Variants in SPATA16 observed in about 807,000 individuals in gnomAD.
SPATA16 encodes the protein spermatogenesis associated 16.
A neutral mutation model predicts 63.3 loss-of-function variants in SPATA16; 36 were observed. That is an observed-to-expected ratio of 0.57 (90% CI 0.44 to 0.75). The LOEUF (loss-of-function observed/expected upper bound fraction) is 0.75. SPATA16 is among the 30% of genes least tolerant of loss of function. The pLI, the probability that SPATA16 is intolerant of heterozygous loss-of-function variation, is 0.00. For missense variants in SPATA16, 646 were observed against 679.3 expected (o/e 0.95, Z 0.54); for synonymous variants, 203 against 216.7 (o/e 0.94, Z 0.56).
chr3:172,987,903 T>C (rs917936641), intron 4 of SPATA16, among the ~76,000 whole-genome samples: 2 of 152,134 alleles, frequency 1.3e-5, no homozygotes, highest in African/African-American at 2.4e-5. Context: ...AGGGGTGTGC[T>C]TCGCATTCCA....
chr3:172,913,714 T>G lies in SPATA16; in HGVS notation c.1534A>C (p.Thr512Pro). The G allele has an allele frequency of 6.2e-7, 1 of 1,613,852 alleles. No homozygotes were observed. The highest frequency in any genetic ancestry group is 8.5e-7 in the Non-Finnish European group (1 of 1,179,836). ...TTATTGTTTCTTCTTCCTTCAAGGG[T>G]GTCCATAGCATCTGCCATTAGTGAC... is the stretch of plus-strand genomic sequence containing the variant. ...LQSLMADAMD[T>P]LEGRRNNNER... Residue 512 changes from threonine (T) to proline (P), a missense_variant, in exon 10 of 11, where the codon ACC (threonine) becomes CCC (proline). Coordinates refer to ENST00000351008, the MANE Select transcript of SPATA16 (RefSeq NM_031955.6).
intron 2 of SPATA16, among the ~76,000 whole-genome samples, chr3:173,100,795 T>C (rs1441811145): frequency 2.6e-5 from 4 of 152,198 alleles, no homozygotes; most frequent in African/African-American, 7.2e-5. Flanking sequence ...AAGATGTGCT[T>C]ACCATTATAT....
intron 10 of SPATA16, among the ~76,000 whole-genome samples, chr3:172,890,426 CG>C (rs1290521815): frequency 1.3e-5 from 2 of 152,106 alleles, no homozygotes; most frequent in African/African-American, 2.4e-5. Context: ...AGTAGATATA[CG>C]ATTCATACTT....
At chr3:173,023,244 A>G (rs1209578123) in intron 3 of SPATA16, among the ~76,000 whole-genome samples, 1 of 150,878 alleles carries the variant, frequency 6.6e-6, no homozygotes, top group Non-Finnish European at 1.5e-5. Context: ...TAATTATCTC[A>G]GGTTTCCCAA....
intron 1 of SPATA16, among the ~76,000 whole-genome samples, chr3:173,121,504 A>AT (rs1430162379): frequency 6.6e-6 from 1 of 152,112 alleles, no homozygotes. Flanking sequence ...GGAGTTATCC[A>AT]TTTTTACCTC....
At chr3:172,958,568 A>G (rs987287714) in intron 5 of SPATA16, among the ~76,000 whole-genome samples, 4 of 152,152 alleles carry the variant, frequency 2.6e-5, no homozygotes, top group Non-Finnish European at 5.9e-5. Context: ...TTTGTAAGCT[A>G]TTGGTGCCTG....
intron 5 of SPATA16, among the ~76,000 whole-genome samples, chr3:172,965,642 T>TA (rs1277391463): frequency 2.0e-5 from 3 of 151,342 alleles, no homozygotes; most frequent in Non-Finnish European, 4.4e-5. Flanking sequence ...TATTTATTAT[T>TA]TTTTTTTTGA....
chr3:172,973,288 TTGTTC>T (rs1314610283), intron 5 of SPATA16, among the ~76,000 whole-genome samples: 3 of 152,168 alleles, frequency 2.0e-5, no homozygotes, highest in Non-Finnish European at 2.9e-5. Context: ...TTTATGACTA[TTGTTC>T]TAGGTGGATG....
chr3:172,939,735 T>C lies in SPATA16; in HGVS notation c.1082-14243A>G, dbSNP rs546288791. Among the ~76,000 whole-genome samples, 4 of 152,306 alleles carry C rather than the reference T, an allele frequency of 2.6e-5. 1 individual carries two copies. Among genetic ancestry groups the C allele is most frequent in the African/African-American group, 9.6e-5 (4 of 41,580 alleles). On this transcript the variant is annotated intron_variant, in intron 6 of 10. Coordinates refer to ENST00000351008, the MANE Select transcript of SPATA16 (RefSeq NM_031955.6). The stretch of plus-strand genomic sequence containing the variant: ...AAAATGACTGAAATTTCCTGAGTGA[T>C]AGGAGCATCTGTTGCTATTCATAAC...
intron 6 of SPATA16, among the ~76,000 whole-genome samples, chr3:172,954,060 A>C (rs1733513841): frequency 6.6e-6 from 1 of 152,228 alleles, no homozygotes; most frequent in Non-Finnish European, 1.5e-5. Context: ...TTTCATCAGG[A>C]TAGAAGCTTC....
chr3:173,044,463 T>A (rs116275349), intron 3 of SPATA16, among the ~76,000 whole-genome samples: 25 of 152,268 alleles, frequency 1.6e-4, no homozygotes, highest in African/African-American at 6.0e-4. Context: ...ATAGCTTCTG[T>A]TTCTTTGTTG....
At chr3:173,082,602 G>T (rs867968310) in intron 2 of SPATA16, among the ~76,000 whole-genome samples, 2 of 152,216 alleles carry the variant, frequency 1.3e-5, no homozygotes, top group Non-Finnish European at 2.9e-5. Flanking sequence ...GAGCAGGTTT[G>T]TATTGTTTGA....
chr3:172,927,061 C>T (rs76974393), intron 6 of SPATA16, among the ~76,000 whole-genome samples: 5,126 of 152,196 alleles, frequency 0.034, 283 homozygotes, highest in African/African-American at 0.12. Flanking sequence ...TAGTACACCA[C>T]GAGTGTTTTT....
At chr3:172,956,595 A>T in intron 6 of SPATA16, 82 bp downstream of exon 6, 2 of 1,483,624 alleles carry the variant, frequency 1.3e-6, no homozygotes, top group Non-Finnish European at 9.2e-7. Flanking sequence ...AGAAACAATA[A>T]ACTAATAAAC....
chr3:172,936,458 T>C (rs1732996108), intron 6 of SPATA16, among the ~76,000 whole-genome samples: 1 of 152,214 alleles, frequency 6.6e-6, no homozygotes, highest in South Asian at 2.1e-4. Context: ...TGCATTTCTC[T>C]ATACATGCTT....
chr3:172,938,064 A>G (rs1733050939), intron 6 of SPATA16, among the ~76,000 whole-genome samples: 1 of 152,200 alleles, frequency 6.6e-6, no homozygotes, highest in Non-Finnish European at 1.5e-5. Context: ...TTGGCTTCAT[A>G]ATAAGCAGGA....
chr3:172,922,471 C>G (rs555732904), intron 8 of SPATA16, among the ~76,000 whole-genome samples: 2 of 152,304 alleles, frequency 1.3e-5, no homozygotes, highest in Admixed American at 6.5e-5. Flanking sequence ...CCAGAATACT[C>G]TTTAAAAGGT....
At chr3:172,985,425 C>A (rs544705062) in intron 4 of SPATA16, among the ~76,000 whole-genome samples, 2 of 152,246 alleles carry the variant, frequency 1.3e-5, no homozygotes, top group Admixed American at 6.5e-5. Flanking sequence ...TGGCAACATG[C>A]AGAAGTATGA....
intron 2 of SPATA16, among the ~76,000 whole-genome samples, chr3:173,053,709 C>T (rs115757073): frequency 0.017 from 2,539 of 152,156 alleles, 60 homozygotes; most frequent in African/African-American, 0.058. Context: ...AGTGTTTCCT[C>T]ACTGTATCAC....
Sources: allele counts gnomAD v4.1 joint callset (sites outside exome capture counted in the v4.1 genomes callset), GRCh38; gene constraint gnomAD v4.1.1; transcripts MANE v1.5; gene names NCBI Gene and HGNC (gene_info 2026-07-23, HGNC 2026-07-21).